Variants in FBXW10B observed in about 807,000 individuals in gnomAD.
The protein encoded by FBXW10B is F-box and WD repeat domain containing protein 10B.
At chr17:15,594,135 C>T in the FBXW10B span, among the ~76,000 whole-genome samples, 8 of 152,192 alleles carry the variant, frequency 5.3e-5, no homozygotes, top group East Asian at 1.5e-3. Flanking sequence ...TTTACTTATA[C>T]AATAGTCATG....
chr17:15,585,229 T>A, the FBXW10B span, among the ~76,000 whole-genome samples: 1 of 152,080 alleles, frequency 6.6e-6, no homozygotes, highest in African/African-American at 2.4e-5. Flanking sequence ...TAATCTTTCA[T>A]CTGGAAAATC....
chr17:15,613,431 G>T, the FBXW10B span: 2 of 554,418 alleles, frequency 3.6e-6, no homozygotes, highest in East Asian at 3.8e-4. Flanking sequence ...CACTGACAAT[G>T]AAAGAGTACT....
the FBXW10B span, chr17:15,593,372 G>A: frequency 1.8e-5 from 29 of 1,614,146 alleles, no homozygotes; most frequent in African/African-American, 1.7e-4. Context: ...GCACAGGATC[G>A]CCTCTGCCAT....
At chr17:15,594,470 CAAAA>C in the FBXW10B span, 74 of 263,196 alleles carry the variant, frequency 2.8e-4, no homozygotes, top group Middle Eastern at 1.1e-3. Context: ...GACTCTGTCT[CAAAA>C]AAAAAAAAAA....
At chr17:15,579,064 G>A in the FBXW10B span, among the ~76,000 whole-genome samples, 3 of 151,082 alleles carry the variant, frequency 2.0e-5, no homozygotes, top group East Asian at 1.9e-4. Flanking sequence ...GCCTATAATC[G>A]CAGCTACTCA....
chr17:15,577,328 A>G, the FBXW10B span, among the ~76,000 whole-genome samples: 1 of 152,124 alleles, frequency 6.6e-6, no homozygotes, highest in African/African-American at 2.4e-5. Flanking sequence ...ACATATTGTC[A>G]TGCTTAGTCA....
At chr17:15,595,211 A>G in the FBXW10B span, among the ~76,000 whole-genome samples, 1 of 152,100 alleles carries the variant, frequency 6.6e-6, no homozygotes, top group African/African-American at 2.4e-5. Context: ...TTGGTGGCAC[A>G]CACCTGTAAT....
At chr17:15,576,239 C>T in the FBXW10B span, among the ~76,000 whole-genome samples, 12 of 152,154 alleles carry the variant, frequency 7.9e-5, no homozygotes, top group Non-Finnish European at 1.5e-4. Context: ...TTCTTAAGGA[C>T]GTCAAGGCCT....
the FBXW10B span, chr17:15,607,692 G>A: frequency 6.2e-7 from 1 of 1,609,836 alleles, no homozygotes; most frequent in Non-Finnish European, 8.5e-7. Context: ...TTCTAACAAG[G>A]GAATATTTGA....
the FBXW10B span, among the ~76,000 whole-genome samples, chr17:15,601,006 G>A: frequency 8.3e-5 from 9 of 108,734 alleles, no homozygotes; most frequent in East Asian, 2.2e-3. Context: ...AGCCGAGATC[G>A]CGTCACAGCA....
the FBXW10B span, chr17:15,589,333 G>C: frequency 1.4e-6 from 2 of 1,395,402 alleles, no homozygotes; most frequent in East Asian, 2.3e-5. Context: ...AGGAAGCAGT[G>C]CTGCCTACCT....
chr17:15,601,605 A>G, the FBXW10B span, among the ~76,000 whole-genome samples: 6 of 152,198 alleles, frequency 3.9e-5, no homozygotes, highest in Non-Finnish European at 8.8e-5. Flanking sequence ...TAATAAAATT[A>G]TAACGTGTAC....
the FBXW10B span, chr17:15,619,023 C>T: frequency 9.3e-6 from 15 of 1,613,518 alleles, no homozygotes; most frequent in South Asian, 1.5e-4. Flanking sequence ...ATATTGTTCT[C>T]CTCTCTCAGA....
the FBXW10B span, among the ~76,000 whole-genome samples, chr17:15,601,774 T>G: frequency 6.6e-6 from 1 of 152,174 alleles, no homozygotes; most frequent in South Asian, 2.1e-4. Flanking sequence ...GTTGGTAAAC[T>G]TACTCCAAAA....
chr17:15,604,253 G>A, the FBXW10B span, among the ~76,000 whole-genome samples: 1 of 151,970 alleles, frequency 6.6e-6, no homozygotes, highest in South Asian at 2.1e-4. Context: ...GTAAGAATGA[G>A]GTACCAACAA....
At chr17:15,565,606 C>T in the FBXW10B span, 1 of 1,614,114 alleles carries the variant, frequency 6.2e-7, no homozygotes, top group Non-Finnish European at 8.5e-7. Flanking sequence ...AATAGGCAGG[C>T]CTTTGATCTT....
At chr17:15,609,627 C>A in the FBXW10B span, among the ~76,000 whole-genome samples, 3 of 151,798 alleles carry the variant, frequency 2.0e-5, no homozygotes, top group Non-Finnish European at 2.9e-5. Context: ...CTGGGAGCAA[C>A]AACACCTCCT....
At chr17:15,605,461 A>C in the FBXW10B span, 1 of 1,413,150 alleles carries the variant, frequency 7.1e-7, no homozygotes, top group Admixed American at 2.5e-5. Flanking sequence ...ATGAAAGAAG[A>C]GTCAGTGTCC....
the FBXW10B span, chr17:15,615,729 A>C: frequency 2.0e-5 from 33 of 1,613,704 alleles, no homozygotes; most frequent in Non-Finnish European, 2.6e-5. Flanking sequence ...TTGGCTGTCC[A>C]ATAGACTTGT....
Sources: allele counts gnomAD v4.1 joint callset (sites outside exome capture counted in the v4.1 genomes callset), GRCh38; gene constraint gnomAD v4.1.1; transcripts MANE v1.5; gene names NCBI Gene and HGNC (gene_info 2026-07-23, HGNC 2026-07-21).